The following RAPH1 variants were observed in gnomAD, a reference collection of about 807,000 sequenced individuals.
The protein encoded by RAPH1 is Ras association (RalGDS/AF-6) and pleckstrin homology domains 1.
A neutral mutation model predicts 88.1 loss-of-function variants in RAPH1; 18 were observed. That is an observed-to-expected ratio of 0.20 (90% CI 0.14 to 0.30). The LOEUF is 0.30. Ranked by LOEUF, RAPH1 falls within the 10% of genes least tolerant of loss-of-function variation. The pLI, the probability that RAPH1 is intolerant of heterozygous loss-of-function variation, is 1.00. For synonymous variants in RAPH1, 587 were observed against 559.0 expected (o/e 1.05, Z -0.71); for missense variants, 1,448 against 1,543.2 (o/e 0.94, Z 1.03).
Position 203,444,893 on chromosome 2 carries a change from C to T in RAPH1, c.1751G>A (p.Gly584Asp). ...CTTGCTGGACTCTTCCAACTGAGTG[C>T]CTCGTTTCCAGGCTTCAGAGAATAC... ...SSVFSEAWKR[G>D]TQLEESSKAR... Residue 584 changes from glycine to aspartate, a missense_variant, in exon 13 of 14, where the codon GGC becomes GAC. Gly to Asp is a moderately conservative substitution (Grantham distance 94, BLOSUM62 -1). Transcript: ENST00000319170. 6.2e-7 allele frequency: 1 copy of T among 1,614,048 alleles called. No homozygotes were observed. The highest frequency in any genetic ancestry group is 1.6e-4 in the Middle Eastern group (1 of 6,062).
intron 4 of RAPH1, among the ~76,000 whole-genome samples, chr2:203,484,288 G>A (rs1374325297): frequency 2.0e-5 from 3 of 152,100 alleles, no homozygotes; most frequent in African/African-American, 7.2e-5. Context: ...TACTATAACT[G>A]CCACCTTGCT....
rs1202522055 is a variant in RAPH1 at position 203,441,418 on chromosome 2, AAGG to A, written c.1777-8_1777-6del. The A allele has an allele frequency of 2.0e-6, 3 of 1,530,492 alleles. No individual in the cohort carries two copies. The highest frequency in any genetic ancestry group is 4.5e-5 in the East Asian group (2 of 44,188). 94.8% of individuals were successfully genotyped at this position (1,530,492 alleles called of 1,614,324 possible). On this transcript the variant is annotated splice_region_variant and splice_polypyrimidine_tract_variant and intron_variant, in intron 13 of 13. Transcript: ENST00000319170. Reference sequence around the variant, plus strand: ...ATTCATAGACTCCATTCTGGCCTAAAAGGAGTATAAAAAGGGAGTGGGAGAGAG... The same window carrying A: ...ATTCATAGACTCCATTCTGGCCTAAAAGTATAAAAAGGGAGTGGGAGAGAG...
rs2098524060 is a variant in RAPH1 at position 203,461,350 on chromosome 2, C to T, written c.869G>A (p.Arg290Lys). 6.2e-7 allele frequency: 1 copy of T among 1,610,356 alleles called. No individual in the cohort carries two copies. Among genetic ancestry groups the T allele is most frequent in the Non-Finnish European group, 8.5e-7 (1 of 1,178,096 alleles). ...ATCCAGTACTTGTCTTACTGTCTGC[C>T]TCTCATCCACCATCATTGTTTTAGA... Reference protein sequence around the residue: ...DSSKTMMVDERQTVRQVLDNL... With the variant: ...DSSKTMMVDEKQTVRQVLDNL... The change falls in exon 6 of 14, where the codon AGG (arginine) becomes AAG (lysine). Residue 290 changes from arginine (R) to lysine (K), a missense_variant. Around this residue, in one of 2 missense-constraint regions of RAPH1, gnomAD observed 513 missense variants for 653.1 expected, o/e 0.79. Coordinates refer to ENST00000319170, the MANE Select transcript of RAPH1 (RefSeq NM_213589.3).
In RAPH1 at chr2:203,439,772, C is replaced by T. The variant is rs1194283031; in HGVS notation, c.3418G>A (p.Glu1140Lys). 3.1e-6 allele frequency: 5 copies of T among 1,614,094 alleles called. No homozygotes were observed. The Admixed American group carries it at 6.7e-5, about 22-fold the overall frequency. The part of the protein sequence containing the change: ...STRLTQAEIS[E>K]QPTMATVVPQ... ...ACAACTGTGGCCATTGTTGGCTGCT[C>T]AGAAATCTCAGCTTGAGTGAGGCGG... The change falls in exon 14 of 14, where the codon GAG becomes AAG. Residue 1140 changes from glutamate (E) to lysine (K), a missense_variant. This residue lies in a region of RAPH1 where 935 missense variants were observed against 890.1 expected (regional missense o/e 1.05). Coordinates refer to ENST00000319170, the MANE Select transcript of RAPH1 (RefSeq NM_213589.3).
At chr2:203,501,446 T>G (rs1312242897) in intron 1 of RAPH1, among the ~76,000 whole-genome samples, 1 of 152,192 alleles carries the variant, frequency 6.6e-6, no homozygotes, top group Non-Finnish European at 1.5e-5. Context: ...ACTGGGAATT[T>G]AATAAACCGT....
At chr2:203,508,777 AATAG>A in intron 1 of RAPH1, among the ~76,000 whole-genome samples, 1 of 152,346 alleles carries the variant, frequency 6.6e-6, no homozygotes, top group East Asian at 1.9e-4. Flanking sequence ...TGTGTTAACA[AATAG>A]ATCATCTAAA....
At chr2:203,464,862 A>G (rs1270650850) in intron 4 of RAPH1, among the ~76,000 whole-genome samples, 2 of 152,240 alleles carry the variant, frequency 1.3e-5, no homozygotes, top group Non-Finnish European at 2.9e-5. Context: ...ACCTCACTAA[A>G]GAAGACAGCT....
At chr2:203,462,508 CG>C (rs1296250360) in intron 4 of RAPH1, among the ~76,000 whole-genome samples, 2 of 152,246 alleles carry the variant, frequency 1.3e-5, no homozygotes, top group African/African-American at 4.8e-5. Flanking sequence ...TGCCTTATTG[CG>C]TAAGTTTCAC....
intron 12 of RAPH1, chr2:203,447,176 TCTTTC>T: frequency 7.5e-6 from 1 of 132,818 alleles, no homozygotes; most frequent in Middle Eastern, 4.1e-3. Context: ...GGTTTTCTTT[TCTTTC>T]TTTTTTTTTT....
In RAPH1 at chr2:203,433,897, C is replaced by T. The variant is rs534403657; in HGVS notation, c.*5540G>A. ...AACATGTAAATGAAAAACATTTACA[C>T]TGACTGTACGACTAGTGTGCTAAGC... On this transcript the variant is annotated 3_prime_UTR_variant, in exon 14 of 14. Transcript: ENST00000319170. The T allele has an allele frequency of 6.6e-6, 1 of 152,582 alleles. No individual in the cohort carries two copies. Among genetic ancestry groups the T allele is most frequent in the Admixed American group, 6.5e-5 (1 of 15,282 alleles). 9.5% of individuals were successfully genotyped at this position (152,582 alleles called of 1,614,324 possible). A position where few individuals can be genotyped will look rare whatever the true frequency, so the allele number is the denominator to read the frequency against.
Position 203,457,193 on chromosome 2 carries a change from T to A in RAPH1, c.1158+337A>T, listed in dbSNP as rs1317593828. Among the ~76,000 whole-genome samples the A allele has an allele frequency of 5.1e-4, 78 of 152,006 alleles. 1 individual carries two copies. The East Asian group carries it at 0.015, about 29-fold the overall frequency. ...TATTTTATTTTATTTATTTATTTAT[T>A]TATTTATTTTATTGAGACAGAGTCT... On this transcript the variant is annotated intron_variant, in intron 8 of 13. Coordinates refer to ENST00000319170, the MANE Select transcript of RAPH1 (RefSeq NM_213589.3).
intron 1 of RAPH1, among the ~76,000 whole-genome samples, chr2:203,523,710 A>G (rs1689994262): frequency 6.6e-6 from 1 of 152,140 alleles, no homozygotes. Context: ...GAAAAACACC[A>G]TTAAAAAAAT....
At position 203,505,670 on chromosome 2, in the gene RAPH1, T is replaced by TA. The variant is rs1251727906; in HGVS notation, c.1-10318dup. ...GCATTATCTGAAACCACAGAGTAGA[T>TA]AAAAAACTATAAAAACTGAAAAACA... is the stretch of plus-strand genomic sequence containing the variant. On this transcript the variant is annotated intron_variant, in intron 1 of 13. Transcript: ENST00000319170. 3.9e-5 allele frequency among the ~76,000 whole-genome samples: 6 copies of TA among 152,234 alleles called. No individual in the cohort carries two copies. The South Asian group carries it at 8.3e-4, about 21-fold the overall frequency.
chr2:203,505,312 A>C (rs183148187), intron 1 of RAPH1, among the ~76,000 whole-genome samples: 19 of 152,314 alleles, frequency 1.2e-4, no homozygotes, highest in African/African-American at 4.3e-4. Flanking sequence ...GGCACTTCTT[A>C]CATGGCGGTG....
intron 4 of RAPH1, among the ~76,000 whole-genome samples, chr2:203,462,161 A>G (rs2098524675): frequency 6.6e-6 from 1 of 152,200 alleles, no homozygotes; most frequent in Admixed American, 6.5e-5. Context: ...ATTCTAGAGG[A>G]AAAAAAGAAC....
At chr2:203,463,329 T>TATGTTA (rs1410038027) in intron 4 of RAPH1, among the ~76,000 whole-genome samples, 2 of 152,172 alleles carry the variant, frequency 1.3e-5, no homozygotes, top group Non-Finnish European at 2.9e-5. Flanking sequence ...CCACAATCCA[T>TATGTTA]ATGTTATTCA....
chr2:203,441,017 T>A lies in RAPH1; in HGVS notation c.2173A>T (p.Met725Leu). The A allele has an allele frequency of 9.2e-7, 1 of 1,086,720 alleles. No homozygotes were observed. Among genetic ancestry groups the A allele is most frequent in the Non-Finnish European group, 1.2e-6 (1 of 832,874 alleles). The allele number at this position is 1,086,720 out of a possible 1,614,324, so 67.3% of individuals were successfully genotyped here. The change falls in exon 14 of 14, where the codon ATG becomes TTG. Residue 725 changes from methionine (M) to leucine (L), a missense_variant. Physicochemically the swap from Met to Leu is conservative, Grantham distance 15. Coordinates refer to ENST00000319170, the MANE Select transcript of RAPH1 (RefSeq NM_213589.3). Reference sequence around the variant, plus strand: ...CACGGTGCAGGCTTTAGCTGGGCCATGGCAGAGCCTGGGGTTGGGGGTGGA... The same window carrying A: ...CACGGTGCAGGCTTTAGCTGGGCCAAGGCAGAGCCTGGGGTTGGGGGTGGA... Reference protein sequence around the residue: ...PPPPPTPGSAMAQLKPAPCAP... With the variant: ...PPPPPTPGSALAQLKPAPCAP...
At chr2:203,520,585 C>T (rs939638513) in intron 1 of RAPH1, among the ~76,000 whole-genome samples, 1 of 151,826 alleles carries the variant, frequency 6.6e-6, no homozygotes, top group Non-Finnish European at 1.5e-5. Context: ...TGAGATCATG[C>T]CATTGCACTC....
chr2:203,466,112 G>T (rs1024231269), intron 4 of RAPH1, among the ~76,000 whole-genome samples: 10 of 152,274 alleles, frequency 6.6e-5, no homozygotes, highest in African/African-American at 2.4e-4. Context: ...ATGAAATTAA[G>T]AGCTGGGTTA....
Sources: allele counts gnomAD v4.1 joint callset (sites outside exome capture counted in the v4.1 genomes callset), GRCh38; gene constraint gnomAD v4.1.1; regional missense constraint gnomAD v4.1.1; transcripts MANE v1.5; gene names NCBI Gene and HGNC (gene_info 2026-07-23, HGNC 2026-07-21).